SUSD4: variants seen among roughly 807,000 people sequenced by gnomAD.
SUSD4 encodes sushi domain containing 4.
SUSD4 carries 41 observed loss-of-function variants against 50.5 expected under a neutral mutation model. That is an observed-to-expected ratio of 0.81 (90% CI 0.63 to 1.05). SUSD4 has a LOEUF of 1.05. SUSD4 is among the 50% of genes least tolerant of loss of function. The pLI, the probability that SUSD4 is intolerant of heterozygous loss-of-function variation, is 0.00. For missense variants in SUSD4, 580 were observed against 634.7 expected (o/e 0.91, Z 0.93); for synonymous variants, 257 against 257.3 (o/e 1.00, Z 0.01).
intron 2 of SUSD4, among the ~76,000 whole-genome samples, chr1:223,330,518 A>G (rs1667116416): frequency 6.6e-6 from 1 of 152,248 alleles, no homozygotes; most frequent in Admixed American, 6.5e-5. Context: ...ACGAGAAAAT[A>G]AAGTCCACAC....
chr1:223,328,703 C>T (rs576130182), intron 2 of SUSD4, among the ~76,000 whole-genome samples: 6 of 152,282 alleles, frequency 3.9e-5, no homozygotes, highest in Non-Finnish European at 7.4e-5. Flanking sequence ...TGGCTTGTGT[C>T]GACCTGATTC....
At chr1:223,314,199 T>C (rs757603935) in intron 2 of SUSD4, among the ~76,000 whole-genome samples, 2 of 152,180 alleles carry the variant, frequency 1.3e-5, no homozygotes, top group Non-Finnish European at 2.9e-5. Flanking sequence ...TGTGACTTTA[T>C]GCCTGTTACT....
At chr1:223,269,068 G>A (rs981307832) in intron 3 of SUSD4, among the ~76,000 whole-genome samples, 1 of 152,208 alleles carries the variant, frequency 6.6e-6, no homozygotes, top group African/African-American at 2.4e-5. Flanking sequence ...AACACAGTGT[G>A]GCCTGATGGG....
chr1:223,289,153 ATT>A (rs1403212521), intron 3 of SUSD4: 6 of 985,204 alleles, frequency 6.1e-6, no homozygotes, highest in African/African-American at 1.7e-5. Flanking sequence ...CACGGGGTGT[ATT>A]TTCAGTCCTT....
rs747620100 is a variant in SUSD4 at position 223,231,049 on chromosome 1, C to G, written c.725-1661G>C. ...ATTAGTGAGAGCAGGAAGCCACTAC[C>G]GCTCCTGGGCTGGTGGGATGAAGGG... On this transcript the variant is annotated intron_variant, in intron 5 of 8. Transcript: ENST00000366878. This position sits in a 1 kb window ranked among gnomAD's most constrained non-coding sequence, Gnocchi z 4.2. Among the ~76,000 whole-genome samples the G allele has an allele frequency of 6.6e-6, 1 of 152,146 alleles. No homozygotes were observed. Among genetic ancestry groups the G allele is most frequent in the Admixed American group, 6.5e-5 (1 of 15,286 alleles).
chr1:223,278,719 T>C (rs1663461325), intron 3 of SUSD4, among the ~76,000 whole-genome samples: 1 of 152,178 alleles, frequency 6.6e-6, no homozygotes, highest in Non-Finnish European at 1.5e-5. Flanking sequence ...GAGAGTACTG[T>C]GGTTCTCCCA....
At position 223,317,851 on chromosome 1, in the gene SUSD4, CT is replaced by C. The variant is rs1172641015; in HGVS notation, c.149-25201del. 9.6e-3 allele frequency among the ~76,000 whole-genome samples: 966 copies of C among 100,688 alleles called. 3 individuals are homozygous for C. Among genetic ancestry groups the C allele is most frequent in the Middle Eastern group, 0.02 (3 of 152 alleles). The allele number at this position is 100,688 out of a possible 152,430, so 66.1% of individuals were successfully genotyped here. A position where few individuals can be genotyped will look rare whatever the true frequency, so the allele number is the denominator to read the frequency against. The stretch of plus-strand genomic sequence containing the variant: ...TTGCCCTTCTTTTTTTTTTTTTTTT[CT>C]TTTTTTTTTTTTTTTTTATTATACT... On this transcript the variant is annotated intron_variant, in intron 2 of 8. Coordinates refer to ENST00000366878, the MANE Select transcript of SUSD4 (RefSeq NM_017982.4).
intron 2 of SUSD4, among the ~76,000 whole-genome samples, chr1:223,333,221 C>T (rs567857907): frequency 4.6e-5 from 7 of 152,182 alleles, no homozygotes; most frequent in African/African-American, 1.4e-4. Context: ...GCAGGGGGTG[C>T]AGCTTAGATC....
At chr1:223,244,143 G>A (rs1198811883) in intron 5 of SUSD4, among the ~76,000 whole-genome samples, 14 of 152,136 alleles carry the variant, frequency 9.2e-5, no homozygotes, top group Admixed American at 5.9e-4. Context: ...TGGAGCTCTC[G>A]GGCACCACAT....
intron 1 of SUSD4, 129 bp from the exon 2 acceptor site, chr1:223,363,589 C>G: frequency 8.9e-7 from 1 of 1,124,762 alleles, no homozygotes; most frequent in Non-Finnish European, 1.2e-6. Context: ...CCCCGCGCGG[C>G]CCCCGCCCCC....
At chr1:223,358,165 C>T (rs1668770557) in intron 2 of SUSD4, among the ~76,000 whole-genome samples, 1 of 152,180 alleles carries the variant, frequency 6.6e-6, no homozygotes, top group East Asian at 1.9e-4. Context: ...GACACCAACG[C>T]TTATCTGAAT....
chr1:223,317,853 T>TTC (rs1261033924), intron 2 of SUSD4, among the ~76,000 whole-genome samples: 32 of 133,522 alleles, frequency 2.4e-4, no homozygotes, highest in Admixed American at 9.8e-4. Flanking sequence ...TTTTTTTTCT[T>TTC]TTTTTTTTTT....
chr1:223,253,983 T>G (rs1661512940), intron 5 of SUSD4, among the ~76,000 whole-genome samples: 2 of 152,208 alleles, frequency 1.3e-5, no homozygotes, highest in Non-Finnish European at 1.5e-5. Context: ...TCTGTGGATT[T>G]GCAAAAATAG....
At chr1:223,318,456 T>G (rs938283505) in intron 2 of SUSD4, among the ~76,000 whole-genome samples, 3 of 96,136 alleles carry the variant, frequency 3.1e-5, no homozygotes, top group African/African-American at 4.2e-5. Flanking sequence ...ATGGTTGAAC[T>G]AGTTTACAGT....
chr1:223,328,255 C>A (rs1485694894), intron 2 of SUSD4, among the ~76,000 whole-genome samples: 2 of 152,198 alleles, frequency 1.3e-5, no homozygotes, highest in African/African-American at 4.8e-5. Flanking sequence ...CAGCATCTCA[C>A]TTAATCCTTC....
At chr1:223,279,004 G>C (rs1333701423) in intron 3 of SUSD4, among the ~76,000 whole-genome samples, 1 of 152,202 alleles carries the variant, frequency 6.6e-6, no homozygotes, top group Non-Finnish European at 1.5e-5. Context: ...GTAGCTGTTA[G>C]AAGGGTCCTG....
intron 5 of SUSD4, among the ~76,000 whole-genome samples, chr1:223,234,555 T>C (rs1660090617): frequency 6.6e-6 from 1 of 152,220 alleles, no homozygotes; most frequent in Admixed American, 6.5e-5. Context: ...ATGTCAAAGT[T>C]TTCACAATAA....
intron 2 of SUSD4, among the ~76,000 whole-genome samples, chr1:223,298,359 C>T (rs923502629): frequency 2.6e-5 from 4 of 152,156 alleles, no homozygotes; most frequent in South Asian, 2.1e-4. Context: ...TCTCTCCTAA[C>T]ACCCTTTCAC....
intron 7 of SUSD4, among the ~76,000 whole-genome samples, chr1:223,224,679 C>T (rs1049513325): frequency 1.3e-5 from 2 of 151,970 alleles, no homozygotes; most frequent in African/African-American, 2.4e-5. Flanking sequence ...CTCACGTGGG[C>T]GCGCACACAG....
Sources: gnomAD v4.1 joint callset for allele counts (sites outside exome capture counted in the v4.1 genomes callset) on GRCh38, gnomAD v4.1.1 for gene constraint, Gnocchi (gnomAD v3.1) non-coding constraint, MANE v1.5 for transcripts, NCBI Gene and HGNC (gene_info 2026-07-23, HGNC 2026-07-21) for gene names.